The following PARVG variants were observed in gnomAD, a reference collection of about 807,000 sequenced individuals.
PARVG encodes the protein parvin gamma.
Under a neutral mutation model 44.4 loss-of-function variants are expected in PARVG, and 36 were observed. That is an observed-to-expected ratio of 0.81 (90% CI 0.62 to 1.07). The LOEUF is 1.07. Ranked by LOEUF, PARVG falls within the 50% of genes least tolerant of loss-of-function variation. PARVG has a pLI of 0.00. For synonymous variants in PARVG, 170 were observed against 174.1 expected, an observed-to-expected ratio of 0.98 and a Z score of 0.19; for missense variants, 407 against 407.4, an observed-to-expected ratio of 1.00 and a Z score of 0.01.
chr22:44,172,956 C>G, exon 1 of PARVG: 2 of 1,285,064 alleles, frequency 1.6e-6, no homozygotes, highest in South Asian at 2.5e-5. Context: ...TGTCCACCGT[C>G]TTTGTTTGGC....
At chr22:44,183,220 T>G in intron 2 of PARVG, 98 bp from the exon 3 acceptor site, 1 of 1,152,864 alleles carries the variant, frequency 8.7e-7, no homozygotes, top group Middle Eastern at 2.1e-4. Context: ...ACCTGGCTTC[T>G]ACCCTCCTTC....
rs779348859 is a variant in PARVG at position 44,173,067 on chromosome 22, C to T, written c.-313C>T. ...TCCACCCAGCGCTGCTTCCCGGGAC[C>T]TTCCAATTGGACAGGAGCTGGGGGA... On this transcript the variant is annotated 5_prime_UTR_variant, in exon 1 of 14. Coordinates refer to the PARVG transcript ENST00000422871. 4 of 1,289,796 alleles carry T rather than the reference C, an allele frequency of 3.1e-6. No individual in the cohort carries two copies. The South Asian group carries it at 4.9e-5, about 16-fold the overall frequency. The allele number at this position is 1,289,796 out of a possible 1,614,324, so 79.9% of individuals were successfully genotyped here.
At chr22:44,206,269 A>AC in intron 13 of PARVG, 48 bp from the exon 14 acceptor site, 2 of 1,374,420 alleles carry the variant, frequency 1.5e-6, no homozygotes, top group Non-Finnish European at 2.1e-6. Flanking sequence ...ACAGTCGGTC[A>AC]CTGCCACCCA....
intron 3 of PARVG, 26 bp from the exon 4 acceptor site, chr22:44,185,782 G>A (rs371760527): frequency 2.1e-5 from 34 of 1,604,686 alleles, no homozygotes; most frequent in African/African-American, 2.7e-5. Context: ...GTCCCCATGC[G>A]CTTGTCATAC....
chr22:44,190,727 C>G, intron 7 of PARVG, 61 bp downstream of exon 7: 12 of 1,406,932 alleles, frequency 8.5e-6, no homozygotes, highest in Non-Finnish European at 1.2e-5. Context: ...CCCCCATTGC[C>G]GTACCCTGCA....
chr22:44,183,146 C>CA, intron 2 of PARVG, 172 bp from the exon 3 acceptor site: 1 of 569,264 alleles, frequency 1.8e-6, no homozygotes, highest in Non-Finnish European at 3.0e-6. Context: ...AGGGTTGGCT[C>CA]AAGGGCTCTT....
chr22:44,205,665 A>T, intron 12 of PARVG, 92 bp from the exon 13 acceptor site: 1 of 1,475,246 alleles, frequency 6.8e-7, no homozygotes, highest in African/African-American at 1.4e-5. Context: ...GATGGACATC[A>T]CAGACAACAG....
chr22:44,193,095 A>C (rs1033778404), intron 8 of PARVG, among the ~76,000 whole-genome samples: 8 of 152,188 alleles, frequency 5.3e-5, no homozygotes, highest in African/African-American at 1.9e-4. Context: ...TCTCTGTCAC[A>C]GGCTGCTGGG....
At position 44,207,562 on chromosome 22, in the gene PARVG, G is replaced by A. The variant is rs1406990113; in HGVS notation, c.*1136G>A. The stretch of plus-strand genomic sequence containing the variant: ...AGGCTGCTGCTCCTCCCTGGACCCT[G>A]AAGAGGCCTCTGGGTCTGGGGTTTT... On this transcript the variant is annotated 3_prime_UTR_variant, in exon 14 of 14. Transcript: ENST00000444313. The A allele has an allele frequency of 6.6e-6, 1 of 152,282 alleles. No homozygotes were observed. The highest frequency in any genetic ancestry group is 6.6e-5 in the Admixed American group (1 of 15,260). The allele number at this position is 152,282 out of a possible 1,614,324, so 9.4% of individuals were successfully genotyped here.
At chr22:44,173,436 G>T (rs900089889) in intron 1 of PARVG, among the ~76,000 whole-genome samples, 1 of 152,096 alleles carries the variant, frequency 6.6e-6, no homozygotes, top group African/African-American at 2.4e-5. Flanking sequence ...ACTCTCCTTG[G>T]CACAGGTCAT....
rs983715105 is a variant in PARVG, at chr22:44,196,148, T to G, written c.584-7T>G. 3.7e-6 allele frequency: 6 copies of G among 1,614,056 alleles called. No individual in the cohort carries two copies. The highest frequency in any genetic ancestry group is 5.1e-6 in the Non-Finnish European group (6 of 1,180,004). ...TAATGAGGTGTTTATTGGATCTGTG[T>G]CTGCAGAGGACGTCTTTGATGAATT... On this transcript the variant is annotated splice_polypyrimidine_tract_variant and splice_region_variant and intron_variant, in intron 9 of 13. Transcript: ENST00000444313.
intron 8 of PARVG, among the ~76,000 whole-genome samples, chr22:44,193,600 G>T (rs759604426): frequency 3.3e-5 from 5 of 152,180 alleles, no homozygotes; most frequent in Non-Finnish European, 7.3e-5. Context: ...TCAGGGAAGG[G>T]CATGAACCTG....
At chr22:44,172,960 G>C (rs1390891664) in exon 1 of PARVG, 24 of 1,286,398 alleles carry the variant, frequency 1.9e-5, no homozygotes, top group Non-Finnish European at 2.4e-5. Context: ...CACCGTCTTT[G>C]TTTGGCTGCT....
chr22:44,206,924 T>A lies in PARVG; in HGVS notation c.*498T>A, dbSNP rs1171931636. On this transcript the variant is annotated 3_prime_UTR_variant, in exon 14 of 14. Coordinates refer to ENST00000444313, the MANE Select transcript of PARVG (RefSeq NM_022141.7). ...CCTCCAGGGCAGGAGCCCGAATGGC[T>A]CCATAGCCATGCCCCCACCCACCGG... 6.1e-6 allele frequency: 1 copy of A among 164,608 alleles called. No homozygotes were observed. The highest frequency in any genetic ancestry group is 2.4e-5 in the African/African-American group (1 of 41,478). The allele number at this position is 164,608 out of a possible 1,614,324, so 10.2% of individuals were successfully genotyped here.
chr22:44,206,373 A>C lies in PARVG; in HGVS notation c.943A>C (p.Lys315Gln). 8.1e-6 allele frequency: 13 copies of C among 1,614,012 alleles called. No homozygotes were observed. The highest frequency in any genetic ancestry group is 1.1e-5 in the Non-Finnish European group (13 of 1,179,990). ...GAGGGTGCTCTATGGTCTGTTCTGC[A>C]AGCACACGCAGAAGGCACACAGGGA... ...TLRVLYGLFC[K>Q]HTQKAHRDRT... Residue 315 changes from lysine (K) to glutamine (Q), a missense_variant, in exon 14 of 14, where the codon AAG (lysine) becomes CAG (glutamine). Coordinates refer to ENST00000444313, the MANE Select transcript of PARVG (RefSeq NM_022141.7).
Position 44,189,117 on chromosome 22 carries a change from G to C in PARVG, c.251G>C (p.Arg84Thr). 1 of 1,613,506 alleles carries C rather than the reference G, an allele frequency of 6.2e-7. No individual in the cohort carries two copies. Among genetic ancestry groups the C allele is most frequent in the Non-Finnish European group, 8.5e-7 (1 of 1,179,970 alleles). ...CACCACCCTCTCCTGCCTCCAGAGA[G>C]GCTGGCGGCGCTCAAGCTGGAAGCA... is the stretch of plus-strand genomic sequence containing the variant. ...DGLILHHLFQ[R>T]LAALKLEAED... The change falls in exon 6 of 14, where the codon AGG (arginine) becomes ACG (threonine). Residue 84 changes from arginine to threonine, a missense_variant. Physicochemically the swap from Arg to Thr is moderately conservative, Grantham distance 71. Coordinates refer to ENST00000444313, the MANE Select transcript of PARVG (RefSeq NM_022141.7).
At position 44,206,613 on chromosome 22, in the gene PARVG, G is replaced by A. The variant is rs1294090379; in HGVS notation, c.*187G>A. ...TTGTGTGGATCATTTTGAGCCGCCT[G>A]GCCTTGCTCAGTTTATTTTAATAAA... is the stretch of plus-strand genomic sequence containing the variant. On this transcript the variant is annotated 3_prime_UTR_variant, in exon 14 of 14. Coordinates refer to ENST00000444313, the MANE Select transcript of PARVG (RefSeq NM_022141.7). 2 of 605,892 alleles carry A rather than the reference G, an allele frequency of 3.3e-6. No individual in the cohort carries two copies. Among genetic ancestry groups the A allele is most frequent in the Non-Finnish European group, 5.9e-6 (2 of 341,568 alleles). 37.5% of individuals were successfully genotyped at this position (605,892 alleles called of 1,614,324 possible). A position where few individuals can be genotyped will look rare whatever the true frequency, so the allele number is the denominator to read the frequency against.
At chr22:44,178,225 T>G (rs1601723988), upstream of PARVG, among the ~76,000 whole-genome samples, 2 of 152,310 alleles carry the variant, frequency 1.3e-5, no homozygotes, top group Non-Finnish European at 2.9e-5. Context: ...TCCTGCAGCT[T>G]TTCTGTGAGT....
chr22:44,186,497 C>T (rs1401198286), intron 4 of PARVG: 1 of 466,384 alleles, frequency 2.1e-6, no homozygotes, highest in South Asian at 1.6e-5. Context: ...ATCTTCCATA[C>T]CCAGAGGCTT....
Sources: gnomAD v4.1 joint callset for allele counts (sites outside exome capture counted in the v4.1 genomes callset) on GRCh38, gnomAD v4.1.1 for gene constraint, MANE v1.5 for transcripts, NCBI Gene and HGNC (gene_info 2026-07-23, HGNC 2026-07-21) for gene names.